ADAMTSL3: variants seen among roughly 807,000 people sequenced by gnomAD.
ADAMTSL3 encodes the protein ADAMTS-like protein 3.
Under a neutral mutation model 201.7 loss-of-function variants are expected in ADAMTSL3, and 128 were observed. The ratio of observed to expected loss-of-function variants is 0.63; its 90% CI spans 0.55 to 0.73. ADAMTSL3 has a LOEUF of 0.73. Among genes scored for constraint, ADAMTSL3 ranks in the 30% least tolerant of loss-of-function variants. The pLI is 0.00. For synonymous variants in ADAMTSL3, 738 were observed against 748.4 expected, an observed-to-expected ratio of 0.99 and a Z score of 0.23; for missense variants, 1,990 against 2,119.6, an observed-to-expected ratio of 0.94 and a Z score of 1.20.
intron 23 of ADAMTSL3, among the ~76,000 whole-genome samples, chr15:83,998,484 AAG>A (rs2067730386): frequency 6.6e-6 from 1 of 152,176 alleles, no homozygotes; most frequent in Non-Finnish European, 1.5e-5. Context: ...CAAATAATAA[AAG>A]AGTCTGTAAA....
chr15:83,880,271 C>T (rs1190564685), intron 9 of ADAMTSL3, among the ~76,000 whole-genome samples: 1 of 152,068 alleles, frequency 6.6e-6, no homozygotes, highest in Non-Finnish European at 1.5e-5. Flanking sequence ...TTACCTGTAT[C>T]CAATTTGTCT....
chr15:84,031,419 G>C lies in ADAMTSL3; in HGVS notation c.4741G>C (p.Asp1581His), dbSNP rs781515603. The change falls in exon 28 of 30, where the codon GAT becomes CAT. Residue 1581 changes from aspartate (D) to histidine (H), a missense_variant. Coordinates refer to ENST00000286744, the MANE Select transcript of ADAMTSL3 (RefSeq NM_207517.3). ...ACACAACAGCTCTGACTCCAACTGT[G>C]ATGACAGAAAGAGGTAGGGGCCCCA... ...CQHNSSDSNC[D>H]DRKRPTLRRN... 1.8e-5 allele frequency: 29 copies of C among 1,613,954 alleles called. No homozygotes were observed. The highest frequency in any genetic ancestry group is 2.5e-5 in the Non-Finnish European group (29 of 1,179,996).
intron 7 of ADAMTSL3, among the ~76,000 whole-genome samples, chr15:83,838,605 C>T (rs1201619474): frequency 6.6e-6 from 1 of 152,178 alleles, no homozygotes; most frequent in Non-Finnish European, 1.5e-5. Context: ...AGCCATTTAT[C>T]AATTTTCCTA....
At chr15:83,913,988 C>T (rs2061999) in intron 16 of ADAMTSL3, among the ~76,000 whole-genome samples, 95,397 of 152,032 alleles carry the variant, frequency 0.63, 31,021 homozygotes, top group African/African-American at 0.79. Flanking sequence ...GAGTGGTTAA[C>T]AGGAGTCCAG....
At chr15:83,995,857 C>T (rs2067677761) in intron 23 of ADAMTSL3, among the ~76,000 whole-genome samples, 1 of 152,052 alleles carries the variant, frequency 6.6e-6, no homozygotes, top group Non-Finnish European at 1.5e-5. Context: ...GTGAGATTTG[C>T]TCTATCAAAT....
At chr15:84,037,456 A>G (rs1236336211) in intron 29 of ADAMTSL3, among the ~76,000 whole-genome samples, 4 of 152,170 alleles carry the variant, frequency 2.6e-5, no homozygotes, top group Non-Finnish European at 4.4e-5. Flanking sequence ...TGCTCTGAGA[A>G]CTCAAAGGAG....
intron 25 of ADAMTSL3, among the ~76,000 whole-genome samples, chr15:84,019,749 C>T (rs555282464): frequency 8.0e-4 from 122 of 151,568 alleles, no homozygotes; most frequent in Admixed American, 2.0e-3. Context: ...AAAATGAGCC[C>T]GGCGCGGTGG....
In ADAMTSL3 at chr15:83,965,078, G is replaced by T. The variant is rs947408975; in HGVS notation, c.2491-5406G>T. On this transcript the variant is annotated intron_variant, in intron 19 of 29. Coordinates refer to ENST00000286744, the MANE Select transcript of ADAMTSL3 (RefSeq NM_207517.3). The stretch of plus-strand genomic sequence containing the variant: ...AGCCACTGCAAAAACATACCAAATT[G>T]TAAAGACTGTCAACACTATGAAGAA... Among the ~76,000 whole-genome samples the T allele has an allele frequency of 2.0e-5, 3 of 152,142 alleles. No individual in the cohort carries two copies. In the South Asian group the frequency reaches 6.2e-4, roughly 32 times the overall value.
chr15:83,884,070 T>G (rs1449260887), intron 9 of ADAMTSL3, among the ~76,000 whole-genome samples: 2 of 151,780 alleles, frequency 1.3e-5, no homozygotes, highest in Non-Finnish European at 2.9e-5. Flanking sequence ...TTTTTGTATT[T>G]TTTAGTAGAG....
intron 17 of ADAMTSL3, among the ~76,000 whole-genome samples, chr15:83,931,761 G>C (rs1409319425): frequency 6.6e-6 from 1 of 152,212 alleles, no homozygotes; most frequent in African/African-American, 2.4e-5. Context: ...ATGAGGTGGT[G>C]AATGGAGCTG....
At chr15:83,847,091 G>T (rs2064513844) in intron 7 of ADAMTSL3, among the ~76,000 whole-genome samples, 1 of 152,206 alleles carries the variant, frequency 6.6e-6, no homozygotes, top group South Asian at 2.1e-4. Flanking sequence ...AAGGGCTGAA[G>T]ATACTCATTT....
In ADAMTSL3 at chr15:83,942,793, G is replaced by A; in HGVS notation, c.2310+5G>A. The A allele has an allele frequency of 1.2e-6, 2 of 1,612,052 alleles. No homozygotes were observed. Among genetic ancestry groups the A allele is most frequent in the Non-Finnish European group, 1.7e-6 (2 of 1,179,096 alleles). ...CACATTGAAGAATGGCAGCAGGTAG[G>A]GCAGACTGGCCACTCCAGGGCCCTC... is the stretch of plus-strand genomic sequence containing the variant. On this transcript the variant is annotated splice_donor_5th_base_variant and intron_variant, in intron 18 of 29. Transcript: ENST00000286744.
At chr15:83,763,446 G>C in intron 3 of ADAMTSL3, among the ~76,000 whole-genome samples, 1 of 151,384 alleles carries the variant, frequency 6.6e-6, no homozygotes, top group Non-Finnish European at 1.5e-5. Flanking sequence ...CTCACTCTAG[G>C]CCTCAGAAAT....
At chr15:83,869,107 G>T (rs1439571976) in intron 8 of ADAMTSL3, among the ~76,000 whole-genome samples, 1 of 152,170 alleles carries the variant, frequency 6.6e-6, no homozygotes, top group Non-Finnish European at 1.5e-5. Flanking sequence ...GTCATTTCAG[G>T]CTAAATCAGT....
chr15:83,657,745 C>T (rs1272754539), intron 2 of ADAMTSL3, among the ~76,000 whole-genome samples: 2 of 152,064 alleles, frequency 1.3e-5, no homozygotes, highest in African/African-American at 4.8e-5. Context: ...GTAGGGGGCA[C>T]TCAAGAGGTA....
At chr15:83,681,405 C>T (rs569452145) in intron 2 of ADAMTSL3, among the ~76,000 whole-genome samples, 20 of 152,204 alleles carry the variant, frequency 1.3e-4, no homozygotes, top group Admixed American at 5.2e-4. Context: ...GGGATGGGGT[C>T]GTGCACTTCT....
At chr15:83,824,321 C>G (rs1169606731) in intron 6 of ADAMTSL3, among the ~76,000 whole-genome samples, 1 of 152,008 alleles carries the variant, frequency 6.6e-6, no homozygotes, top group African/African-American at 2.4e-5. Context: ...TGGCCTGACT[C>G]CATTTTTTAG....
intron 13 of ADAMTSL3, 118 bp from the exon 14 acceptor site, chr15:83,897,740 A>G (rs951167522): frequency 7.6e-6 from 9 of 1,189,186 alleles, no homozygotes; most frequent in African/African-American, 1.5e-5. Context: ...ATATTTGTCT[A>G]AAAGTCTTTT....
At chr15:83,878,893 T>C (rs917577050) in intron 9 of ADAMTSL3, among the ~76,000 whole-genome samples, 2 of 152,184 alleles carry the variant, frequency 1.3e-5, no homozygotes, top group African/African-American at 4.8e-5. Context: ...CCTTTTTTTT[T>C]CTTTAAATGT....
Sources: allele counts gnomAD v4.1 joint callset (sites outside exome capture counted in the v4.1 genomes callset), GRCh38; gene constraint gnomAD v4.1.1; transcripts MANE v1.5; gene names NCBI Gene and HGNC (gene_info 2026-07-23, HGNC 2026-07-21).